MACF1: variants seen among roughly 807,000 people sequenced by gnomAD.
MACF1 encodes the protein microtubule-actin cross-linking factor 1.
A neutral mutation model predicts 854.8 loss-of-function variants in MACF1; 193 were observed. The ratio of observed to expected loss-of-function variants is 0.23; its 90% CI spans 0.20 to 0.25. The LOEUF is 0.25. Among genes scored for constraint, MACF1 ranks in the 10% least tolerant of loss-of-function variants. The pLI is 1.00. For synonymous variants in MACF1, 3,185 were observed against 3,226.7 expected (o/e 0.99, Z 0.44); for missense variants, 7,722 against 8,929.1 (o/e 0.86, Z 5.45).
chr1:39,087,386 C>A (rs1008570418), intron 2 of MACF1, among the ~76,000 whole-genome samples: 9 of 152,192 alleles, frequency 5.9e-5, no homozygotes, highest in Non-Finnish European at 1.2e-4. Flanking sequence ...ATGGGGCAAG[C>A]CTGGTGGTCA....
rs753002551 is a variant in MACF1, at chr1:39,336,148, A to C, written c.9560A>C (p.Glu3187Ala). Reference sequence around the variant, plus strand: ...GACCCAGCAAGAGGTCTTAAATTGGAAGAAATCACAGTTTCTAGACCAGAT... The same window carrying C: ...GACCCAGCAAGAGGTCTTAAATTGGCAGAAATCACAGTTTCTAGACCAGAT... ...SFDPARGLKL[E>A]EITVSRPDSK... The change falls in exon 37 of 101, where the codon GAA (glutamate) becomes GCA (alanine). Residue 3187 changes from glutamate to alanine, a missense_variant. Physicochemically the swap from Glu to Ala is moderately radical, Grantham distance 107. Coordinates refer to ENST00000564288, the MANE Select transcript of MACF1 (RefSeq NM_001394062.1). 7.4e-6 allele frequency: 12 copies of C among 1,614,214 alleles called. No homozygotes were observed. The highest frequency in any genetic ancestry group is 1.0e-5 in the Non-Finnish European group (12 of 1,180,034).
chr1:39,094,659 G>A (rs528707786), intron 2 of MACF1, among the ~76,000 whole-genome samples: 7 of 151,982 alleles, frequency 4.6e-5, no homozygotes, highest in East Asian at 1.9e-4. Flanking sequence ...CGGAAGTTGC[G>A]GTGAGCTGAG....
chr1:39,358,720 G>A lies in MACF1; in HGVS notation c.11967G>A (p.Leu3989=), dbSNP rs1453711274. The change falls in exon 46 of 101, where the codon CTG becomes CTA. Residue 3989 remains leucine (L), a synonymous_variant. Transcript: ENST00000564288. ...HSKCTRLGSH[L]NMLLGQYHQF... ...AGTGTACACGATTAGGATCTCACCT[G>A]AATATGCTGTTAGGCCAGTATCATC... The A allele has an allele frequency of 6.2e-7, 1 of 1,614,070 alleles. No homozygotes were observed. Among genetic ancestry groups the A allele is most frequent in the Non-Finnish European group, 8.5e-7 (1 of 1,180,014 alleles).
At chr1:39,441,368 T>G in intron 74 of MACF1, 43 bp downstream of exon 74, 1 of 1,511,718 alleles carries the variant, frequency 6.6e-7, no homozygotes. Context: ...ACAGGTTCTG[T>G]TTTTTGCCAT....
intron 21 of MACF1, 53 bp from the exon 22 acceptor site, chr1:39,300,157 G>A (rs1165632616): frequency 1.3e-6 from 2 of 1,581,346 alleles, no homozygotes; most frequent in African/African-American, 1.4e-5. Flanking sequence ...TGTTGACTTA[G>A]TCACCCTGAG....
rs768150870 is a variant in MACF1, at chr1:39,437,972, C to G, written c.18184C>G (p.Arg6062Gly). ...LKRRGEELIGRSQGADKDLAA... is the reference protein window; with the variant it reads ...LKRRGEELIGGSQGADKDLAA... ...GCGCCGTGGAGAGGAGCTTATTGGA[C>G]GATCTCAGGGAGCAGACAAGGATCT... Residue 6062 changes from arginine to glycine, a missense_variant, in exon 71 of 101, where the codon CGA becomes GGA. Around this residue, in one of 15 missense-constraint regions of MACF1, gnomAD observed 2,807 missense variants for 3,235.8 expected, o/e 0.87. Transcript: ENST00000564288. 1 of 1,614,044 alleles carries G rather than the reference C, an allele frequency of 6.2e-7. No homozygotes were observed. The highest frequency in any genetic ancestry group is 1.1e-5 in the South Asian group (1 of 91,070).
chr1:39,407,958 T>C (rs1642778746), intron 58 of MACF1, among the ~76,000 whole-genome samples: 1 of 152,232 alleles, frequency 6.6e-6, no homozygotes, highest in South Asian at 2.1e-4. Context: ...TTTCCTGGGT[T>C]GCCCTTTGTA....
intron 56 of MACF1, among the ~76,000 whole-genome samples, chr1:39,384,356 T>C (rs1158291196): frequency 2.0e-5 from 3 of 152,214 alleles, no homozygotes; most frequent in Admixed American, 6.5e-5. Context: ...CTATGTCTTA[T>C]TTATTTTTGT....
intron 58 of MACF1, among the ~76,000 whole-genome samples, chr1:39,403,051 T>TGTTTG (rs1472432841): frequency 6.7e-6 from 1 of 150,342 alleles, no homozygotes; most frequent in African/African-American, 2.5e-5. Flanking sequence ...TTGTTTTTTT[T>TGTTTG]GTTTGGTTTG....
At chr1:39,201,499 C>T (rs1476261461), upstream of MACF1, among the ~76,000 whole-genome samples, 3 of 152,002 alleles carry the variant, frequency 2.0e-5, no homozygotes, top group Admixed American at 6.6e-5. Context: ...ACTACAGGCG[C>T]GTGCCACCAC....
chr1:39,089,678 G>T (rs1641758839), intron 2 of MACF1, among the ~76,000 whole-genome samples: 1 of 151,818 alleles, frequency 6.6e-6, no homozygotes, highest in South Asian at 2.1e-4. Flanking sequence ...GCTCTGAGAA[G>T]ACATCTCACA....
At chr1:39,204,296 C>T (rs1644425740), upstream of MACF1, 1 of 152,174 alleles carries the variant, frequency 6.6e-6, no homozygotes, top group Non-Finnish European at 1.5e-5. Flanking sequence ...TTTTTTAACC[C>T]TTGAGAAGTA....
At chr1:39,314,166 T>C (rs1646358872) in intron 26 of MACF1, among the ~76,000 whole-genome samples, 1 of 152,172 alleles carries the variant, frequency 6.6e-6, no homozygotes, top group Admixed American at 6.5e-5. Flanking sequence ...CCCAGCACTT[T>C]GGGAGGCCAA....
In MACF1 at chr1:39,139,882, G is replaced by C. The variant is rs1308625236; in HGVS notation, c.220+55444G>C. On this transcript the variant is annotated intron_variant, in intron 2 of 93. Transcript: ENST00000361689. The stretch of plus-strand genomic sequence containing the variant: ...TTTTCATCACTCCTGTTTTACAGCT[G>C]AGGAAATTAAGGCTTAAGGAGATTA... Among the ~76,000 whole-genome samples, 5 of 151,948 alleles carry C rather than the reference G, an allele frequency of 3.3e-5. No individual in the cohort carries two copies. In the South Asian group the frequency reaches 6.2e-4, roughly 19 times the overall value.
intron 23 of MACF1, 118 bp from the exon 24 acceptor site, chr1:39,309,452 T>C: frequency 1.6e-6 from 2 of 1,220,734 alleles, no homozygotes; most frequent in Non-Finnish European, 2.3e-6. Context: ...CTTGTTGCCT[T>C]TCTCTGCTCA....
chr1:39,433,200 A>T (rs374522465), intron 68 of MACF1, 45 bp downstream of exon 68: 20 of 1,195,962 alleles, frequency 1.7e-5, no homozygotes, highest in Non-Finnish European at 2.3e-5. Context: ...TGTTTTTATC[A>T]TGGTGAATTA....
At chr1:39,345,351 CT>C (rs1189458996) in intron 40 of MACF1, among the ~76,000 whole-genome samples, 2 of 152,084 alleles carry the variant, frequency 1.3e-5, no homozygotes, top group African/African-American at 4.8e-5. Context: ...TGGCTCATGC[CT>C]GTAATCCCAG....
rs2256614 is a variant in MACF1 at position 39,359,046 on chromosome 1, C to G, written c.12121-95C>G. On this transcript the variant is annotated intron_variant, in intron 46 of 100. Coordinates refer to ENST00000564288, the MANE Select transcript of MACF1 (RefSeq NM_001394062.1). ...ATATTTATGGCTATGGTTAAACTTA[C>G]AATTATTCTGTAAAGCTGTTCAGTA... is the stretch of plus-strand genomic sequence containing the variant. The G allele has an allele frequency of 0.32, 475,839 of 1,504,692 alleles. 81,467 individuals are homozygous for G. The highest frequency in any genetic ancestry group is 0.68 in the African/African-American group (48,867 of 72,014). The allele number at this position is 1,504,692 out of a possible 1,614,324, so 93.2% of individuals were successfully genotyped here.
chr1:39,258,999 A>T (rs1287452392), intron 6 of MACF1, among the ~76,000 whole-genome samples: 1 of 152,220 alleles, frequency 6.6e-6, no homozygotes, highest in Non-Finnish European at 1.5e-5. Context: ...GTGGAACCAC[A>T]GGGTATCCTC....
Sources: allele counts gnomAD v4.1 joint callset (sites outside exome capture counted in the v4.1 genomes callset), GRCh38; gene constraint gnomAD v4.1.1; regional missense constraint gnomAD v4.1.1; transcripts MANE v1.5; gene names NCBI Gene and HGNC (gene_info 2026-07-23, HGNC 2026-07-21).